Variants in GABBR2 observed in about 807,000 individuals in gnomAD.
GABBR2 encodes the protein G-protein coupled receptor 51.
In GABBR2, 23 loss-of-function variants were observed where a neutral mutation model predicts 105.6. The observed-to-expected ratio is 0.22, with a 90% CI of 0.16 to 0.31. The LOEUF (loss-of-function observed/expected upper bound fraction) is 0.31, where lower values mean the gene tolerates loss of function less well. Among genes scored for constraint, GABBR2 ranks in the 10% least tolerant of loss-of-function variants. The pLI, the probability that GABBR2 is intolerant of heterozygous loss-of-function variation, is 1.00. For missense variants in GABBR2, 734 were observed against 1,245.5 expected, an observed-to-expected ratio of 0.59 and a Z score of 6.18; for synonymous variants, 478 against 499.7, an observed-to-expected ratio of 0.96 and a Z score of 0.58.
At chr9:98,586,098 A>C (rs951660811) in intron 1 of GABBR2, among the ~76,000 whole-genome samples, 1 of 152,088 alleles carries the variant, frequency 6.6e-6, no homozygotes, top group Admixed American at 6.5e-5. Context: ...GAAATATTTC[A>C]CTCACAGAAA....
At chr9:98,538,504 A>G (rs2779600) in intron 3 of GABBR2, 291,777 of 565,038 alleles carry the variant, frequency 0.52, 76,057 homozygotes, top group East Asian at 0.66. Flanking sequence ...TCAGTACCTC[A>G]GACCCAAGTC....
intron 1 of GABBR2, among the ~76,000 whole-genome samples, chr9:98,662,366 T>C (rs1830275152): frequency 6.6e-6 from 1 of 152,072 alleles, no homozygotes; most frequent in Admixed American, 6.6e-5. Flanking sequence ...ATAAGGAACT[T>C]GGAATCAGAT....
intron 1 of GABBR2, among the ~76,000 whole-genome samples, chr9:98,700,494 TTCCTACCCGACTC>T (rs1830815624): frequency 2.0e-5 from 3 of 152,310 alleles, no homozygotes; most frequent in South Asian, 4.2e-4. Flanking sequence ...TCTGGAGCTC[TTCCTACCCGACTC>T]TCCTTCCTTC....
At chr9:98,692,469 A>G (rs1830694915) in intron 1 of GABBR2, among the ~76,000 whole-genome samples, 1 of 152,254 alleles carries the variant, frequency 6.6e-6, no homozygotes, top group African/African-American at 2.4e-5. Context: ...GTGTCTACAC[A>G]TACAGCTCAC....
intron 1 of GABBR2, among the ~76,000 whole-genome samples, chr9:98,643,599 G>A (rs746171003): frequency 1.3e-5 from 2 of 152,174 alleles, no homozygotes; most frequent in South Asian, 2.1e-4. Context: ...GCAGAGGGAC[G>A]GAATTAGCTC....
intron 6 of GABBR2, among the ~76,000 whole-genome samples, chr9:98,458,733 C>T (rs911001192): frequency 5.9e-4 from 90 of 152,238 alleles, no homozygotes; most frequent in African/African-American, 2.2e-3. Flanking sequence ...ACCAAAAGAA[C>T]AGATGCCAGG....
chr9:98,552,748 G>T (rs1828512904), intron 2 of GABBR2, among the ~76,000 whole-genome samples: 1 of 152,214 alleles, frequency 6.6e-6, no homozygotes, highest in South Asian at 2.1e-4. Flanking sequence ...AATCTCTTTA[G>T]TCAGAGAGAG....
At chr9:98,423,024 G>C (rs1832811770) in intron 7 of GABBR2, among the ~76,000 whole-genome samples, 1 of 152,240 alleles carries the variant, frequency 6.6e-6, no homozygotes, top group African/African-American at 2.4e-5. Context: ...TTGGACATTT[G>C]GGTTGGTTCC....
intron 4 of GABBR2, 76 bp downstream of exon 4, chr9:98,496,337 T>C (rs1322085575): frequency 6.5e-6 from 6 of 925,090 alleles, no homozygotes; most frequent in Admixed American, 5.2e-5. Context: ...CTTGAGGCTC[T>C]TTCATAGTCA....
At chr9:98,545,706 G>A (rs1828384970) in intron 2 of GABBR2, among the ~76,000 whole-genome samples, 1 of 152,150 alleles carries the variant, frequency 6.6e-6, no homozygotes, top group African/African-American at 2.4e-5. Flanking sequence ...CTGCAGCCCC[G>A]AAATAAGATA....
chr9:98,666,487 G>A (rs536099507), intron 1 of GABBR2, among the ~76,000 whole-genome samples: 3 of 152,160 alleles, frequency 2.0e-5, no homozygotes. Flanking sequence ...ACTGTCCAAT[G>A]CACAAATTGC....
Position 98,708,472 on chromosome 9 carries a change from C to A in GABBR2, c.266G>T (p.Arg89Leu). Residue 89 changes from arginine (R) to leucine (L), a missense_variant, in exon 1 of 19, where the codon CGC becomes CTC. Arg to Leu is a moderately radical substitution (Grantham distance 102, BLOSUM62 -2). This residue lies in a region of GABBR2 where 370 missense variants were observed against 648.9 expected (regional missense o/e 0.57). Coordinates refer to ENST00000259455, the MANE Select transcript of GABBR2 (RefSeq NM_005458.8). ...PAVELAIEQI[R>L]NESLLRPYFL... ...GTAGGGGCGCAGGAGTGACTCGTTG[C>A]GGATCTGCTCGATGGCCAGTTCCAC... 6.3e-7 allele frequency: 1 copy of A among 1,582,054 alleles called. No individual in the cohort carries two copies. The highest frequency in any genetic ancestry group is 8.6e-7 in the Non-Finnish European group (1 of 1,163,158).
At chr9:98,687,748 G>A (rs1190590063) in intron 1 of GABBR2, among the ~76,000 whole-genome samples, 1 of 152,180 alleles carries the variant, frequency 6.6e-6, no homozygotes, top group African/African-American at 2.4e-5. Flanking sequence ...CACACACAAT[G>A]TAGAAAGCTT....
intron 1 of GABBR2, among the ~76,000 whole-genome samples, chr9:98,627,557 T>C (rs2779541): frequency 0.93 from 141,882 of 152,316 alleles, 66,193 homozygotes; most frequent in African/African-American, 0.97. Flanking sequence ...ATTAGGAAAA[T>C]CTGACCAACA....
chr9:98,467,340 C>T (rs1004506916), intron 6 of GABBR2, among the ~76,000 whole-genome samples: 1 of 152,176 alleles, frequency 6.6e-6, no homozygotes, highest in Non-Finnish European at 1.5e-5. Context: ...GCCAGTGGCC[C>T]CTCCATGGGC....
intron 13 of GABBR2, among the ~76,000 whole-genome samples, chr9:98,360,157 C>T (rs1831557750): frequency 6.6e-6 from 1 of 152,160 alleles, no homozygotes. Flanking sequence ...ATCTCTCCCC[C>T]AAGCCTAGGC....
At chr9:98,638,761 T>G (rs1040411206) in intron 1 of GABBR2, among the ~76,000 whole-genome samples, 2 of 152,156 alleles carry the variant, frequency 1.3e-5, no homozygotes, top group Non-Finnish European at 2.9e-5. Context: ...AAAGACAAGA[T>G]AAAGGTAATC....
chr9:98,590,607 T>C (rs1181590011), intron 1 of GABBR2, among the ~76,000 whole-genome samples: 1 of 152,252 alleles, frequency 6.6e-6, no homozygotes. Context: ...TGCTCTTTTC[T>C]GCAGGTTTGT....
At chr9:98,382,221 G>C (rs529462018) in intron 11 of GABBR2, among the ~76,000 whole-genome samples, 1 of 152,162 alleles carries the variant, frequency 6.6e-6, no homozygotes, top group Non-Finnish European at 1.5e-5. Context: ...AATGAGGGTA[G>C]GGTTTTGCTC....
Sources: gnomAD v4.1 joint callset for allele counts (sites outside exome capture counted in the v4.1 genomes callset) on GRCh38, gnomAD v4.1.1 for gene constraint, gnomAD v4.1.1 regional missense constraint, MANE v1.5 for transcripts, NCBI Gene and HGNC (gene_info 2026-07-23, HGNC 2026-07-21) for gene names.